The following KANSL1 variants were observed in gnomAD, a reference collection of about 807,000 sequenced individuals.
KANSL1 encodes the protein KAT8 regulatory NSL complex subunit 1.
A neutral mutation model predicts 103.6 loss-of-function variants in KANSL1; 22 were observed. The observed-to-expected ratio is 0.21, with a 90% CI of 0.15 to 0.30. The LOEUF (loss-of-function observed/expected upper bound fraction) is 0.30. KANSL1 is among the 10% of genes least tolerant of loss of function. The probability of loss-of-function intolerance (pLI) is 1.00; values close to 1 mark genes in which losing one functional copy is unlikely to be tolerated. For missense variants in KANSL1, 1,337 were observed against 1,399.8 expected (o/e 0.96, Z 0.72); for synonymous variants, 600 against 527.6 (o/e 1.14, Z -1.88).
intron 1 of KANSL1, among the ~76,000 whole-genome samples, chr17:46,200,459 C>T (rs2532227): frequency 0.12 from 18,505 of 150,102 alleles, 22 homozygotes; most frequent in Middle Eastern, 0.19. Flanking sequence ...AATATCTTTA[C>T]AGGCTGGGTG....
At chr17:46,095,335 A>G (rs565614541) in intron 2 of KANSL1, among the ~76,000 whole-genome samples, 6 of 152,364 alleles carry the variant, frequency 3.9e-5, no homozygotes, top group Admixed American at 3.9e-4. Context: ...ACAGATCTAA[A>G]AGTTCACATG....
intron 6 of KANSL1, among the ~76,000 whole-genome samples, chr17:46,056,500 T>C (rs1394975387): frequency 1.3e-5 from 2 of 152,242 alleles, no homozygotes; most frequent in African/African-American, 4.8e-5. Context: ...GAGTACCTGA[T>C]AGAGTTGTTT....
At chr17:46,170,267 A>C (rs1296014565) in intron 2 of KANSL1, 1 of 148,736 alleles carries the variant, frequency 6.7e-6, no homozygotes, top group East Asian at 1.9e-4. Context: ...TTTTTTTTTT[A>C]ATAGGAAGAG....
intron 2 of KANSL1, among the ~76,000 whole-genome samples, chr17:46,149,828 G>A (rs1235475953): frequency 6.6e-6 from 1 of 150,896 alleles, no homozygotes; most frequent in Non-Finnish European, 1.5e-5. Flanking sequence ...TAGTAGTAGA[G>A]ATGATGAAAC....
rs866131903 is a variant in KANSL1, at chr17:46,096,318, T to C, written c.1290-1617A>G. ...CATACCTGGCTTTTTTTTCTTTTTT[T>C]TTTTTTTTTTTTTTGAGATGGAGTT... On this transcript the variant is annotated intron_variant, in intron 2 of 14. Coordinates refer to ENST00000432791, the MANE Select transcript of KANSL1 (RefSeq NM_015443.4). Among the ~76,000 whole-genome samples the C allele has an allele frequency of 4.1e-3, 549 of 134,538 alleles. 5 individuals are homozygous for C. The highest frequency in any genetic ancestry group is 6.5e-3 in the African/African-American group (231 of 35,558). 88.3% of individuals were successfully genotyped at this position (134,538 alleles called of 152,430 possible).
chr17:46,038,398 T>C, intron 10 of KANSL1, 140 bp downstream of exon 10: 1 of 871,064 alleles, frequency 1.1e-6, no homozygotes, highest in Non-Finnish European at 1.7e-6. Context: ...GGTACAGACA[T>C]ACATACATAT....
chr17:46,210,398 G>A (rs1320615715), intron 1 of KANSL1, among the ~76,000 whole-genome samples: 8 of 142,104 alleles, frequency 5.6e-5, no homozygotes, highest in African/African-American at 1.3e-4. Context: ...GCTTGAACCC[G>A]GGAGGCGGAG....
Position 46,135,695 on chromosome 17 carries a change from CTTTTTTTTT to C in KANSL1, c.1289+35151_1289+35159del, listed in dbSNP as rs35094789. Among the ~76,000 whole-genome samples the C allele has an allele frequency of 1.6e-3, 135 of 84,406 alleles. 1 individual carries two copies. The highest frequency in any genetic ancestry group is 7.0e-3 in the African/African-American group (121 of 17,266). 55.4% of individuals were successfully genotyped at this position (84,406 alleles called of 152,430 possible). On this transcript the variant is annotated intron_variant, in intron 2 of 14. Transcript: ENST00000432791. ...TACAGGCATGCCCCACCATGCCTGG[CTTTTTTTTT>C]TTTTTTTTTTTTTTTTTGGTAGCGA... is the stretch of plus-strand genomic sequence containing the variant.
intron 4 of KANSL1, among the ~76,000 whole-genome samples, chr17:46,078,282 G>C (rs1421401838): frequency 3.9e-5 from 6 of 152,216 alleles, no homozygotes; most frequent in Admixed American, 3.3e-4. Flanking sequence ...GCCAAGTCTA[G>C]TTGGAATTCG....
At chr17:46,045,370 T>G (rs2077466735) in intron 7 of KANSL1, 1 of 151,750 alleles carries the variant, frequency 6.6e-6, no homozygotes, top group African/African-American at 2.4e-5. Flanking sequence ...TAATCAGGTC[T>G]TCAGGTCAAC....
At chr17:46,154,987 C>G (rs138556170) in intron 2 of KANSL1, among the ~76,000 whole-genome samples, 3 of 152,036 alleles carry the variant, frequency 2.0e-5, no homozygotes, top group Non-Finnish European at 4.4e-5. Flanking sequence ...AGTTTCCTTA[C>G]CATAAAACAG....
At chr17:46,105,906 G>GACACACAC (rs773000790) in intron 2 of KANSL1, among the ~76,000 whole-genome samples, 36 of 95,252 alleles carry the variant, frequency 3.8e-4, no homozygotes, top group Admixed American at 6.8e-4. Flanking sequence ...GCAAGGCCTT[G>GACACACAC]ACACACACAC....
intron 6 of KANSL1, among the ~76,000 whole-genome samples, chr17:46,065,318 T>C (rs987982920): frequency 8.5e-5 from 13 of 152,276 alleles, no homozygotes; most frequent in African/African-American, 3.1e-4. Context: ...TCATTTATTA[T>C]TTTCTTTCTC....
At chr17:46,115,216 C>T (rs1191356309) in intron 2 of KANSL1, among the ~76,000 whole-genome samples, 3 of 149,062 alleles carry the variant, frequency 2.0e-5, no homozygotes, top group Non-Finnish European at 3.0e-5. Flanking sequence ...CCTGCCACCA[C>T]ACCCAGCTAA....
chr17:46,210,498 A>ATAAATATGTGAATAT (rs1567806871), intron 1 of KANSL1, among the ~76,000 whole-genome samples: 3 of 594 alleles, frequency 5.1e-3, no homozygotes, highest in South Asian at 0.12. Flanking sequence ...AAAAAAAAAA[A>ATAAATATGTGAATAT]AAAAGACCTG....
chr17:46,171,091 T>TTCA lies in KANSL1; in HGVS notation c.1050_1052dup (p.Ala350_Glu351insAsp). 1 of 1,614,220 alleles carries TTCA rather than the reference T, an allele frequency of 6.2e-7. No homozygotes were observed. Among genetic ancestry groups the TTCA allele is most frequent in the Non-Finnish European group, 8.5e-7 (1 of 1,180,056 alleles). ...CACTGGCAGCTTTTCTCAAGGCAGC[T>TTCA]TCAGCCTTTCGAGTCAGCATCAACT... On this transcript the variant is annotated inframe_insertion, in exon 2 of 15. Transcript: ENST00000432791.
intron 2 of KANSL1, among the ~76,000 whole-genome samples, chr17:46,159,156 G>C (rs188484083): frequency 1.4e-3 from 206 of 152,308 alleles, no homozygotes; most frequent in African/African-American, 4.7e-3. Flanking sequence ...GAGGGTCACC[G>C]GGCTGCTCAC....
chr17:46,151,405 T>C (rs1174027433), intron 2 of KANSL1, among the ~76,000 whole-genome samples: 5 of 152,144 alleles, frequency 3.3e-5, no homozygotes, highest in Non-Finnish European at 7.3e-5. Flanking sequence ...ACAGATCTCA[T>C]TCAAACTGTC....
chr17:46,128,539 G>A (rs1177173093), intron 2 of KANSL1, among the ~76,000 whole-genome samples: 1 of 152,252 alleles, frequency 6.6e-6, no homozygotes, highest in Non-Finnish European at 1.5e-5. Context: ...AGGACAGAGA[G>A]TGAAGTTGTC....
Sources: allele counts gnomAD v4.1 joint callset (sites outside exome capture counted in the v4.1 genomes callset), GRCh38; gene constraint gnomAD v4.1.1; transcripts MANE v1.5; gene names NCBI Gene and HGNC (gene_info 2026-07-23, HGNC 2026-07-21).